The following HERPUD2 variants were observed in gnomAD, a reference collection of about 807,000 sequenced individuals.
HERPUD2 encodes the protein HERPUD family member 2.
In HERPUD2, 13 loss-of-function variants were observed where a neutral mutation model predicts 49.9. The observed-to-expected ratio is 0.26, with a 90% CI of 0.17 to 0.41. The LOEUF is 0.41. Among genes scored for constraint, HERPUD2 ranks in the 10% least tolerant of loss-of-function variants. The pLI is 1.00. For missense variants in HERPUD2, 449 were observed against 492.2 expected (o/e 0.91, Z 0.83); for synonymous variants, 172 against 171.4 (o/e 1.00, Z -0.03).
intron 5 of HERPUD2, among the ~76,000 whole-genome samples, chr7:35,653,475 C>T (rs575575468): frequency 1.3e-5 from 2 of 152,230 alleles, no homozygotes; most frequent in South Asian, 4.1e-4. Context: ...ACAATAAGTG[C>T]TAGGGACATC....
chr7:35,639,521 G>A (rs576346107), intron 5 of HERPUD2, among the ~76,000 whole-genome samples: 1 of 152,222 alleles, frequency 6.6e-6, no homozygotes, highest in East Asian at 1.9e-4. Context: ...ATGCCAAAGT[G>A]TATAATGTGA....
At chr7:35,664,246 T>C (rs1785490708) in intron 5 of HERPUD2, among the ~76,000 whole-genome samples, 1 of 152,252 alleles carries the variant, frequency 6.6e-6, no homozygotes, top group South Asian at 2.1e-4. Flanking sequence ...GTAGAGTTTC[T>C]GCCGAGAGAT....
chr7:35,680,554 C>T (rs1336839578), intron 2 of HERPUD2, among the ~76,000 whole-genome samples: 1 of 152,158 alleles, frequency 6.6e-6, no homozygotes, highest in East Asian at 1.9e-4. Context: ...CCAAACTCCC[C>T]GACAGTATTC....
chr7:35,677,911 ACT>A (rs1484645029), intron 2 of HERPUD2, among the ~76,000 whole-genome samples: 1 of 152,194 alleles, frequency 6.6e-6, no homozygotes, highest in Non-Finnish European at 1.5e-5. Context: ...CATCACCAGC[ACT>A]CTGTGCCTCA....
intron 8 of HERPUD2, 71 bp from the exon 9 acceptor site, chr7:35,633,922 A>C: frequency 6.9e-7 from 1 of 1,455,694 alleles, no homozygotes; most frequent in Non-Finnish European, 9.4e-7. Context: ...GAATACAGTT[A>C]AATTCTTTGT....
chr7:35,638,702 A>C (rs562201495), intron 5 of HERPUD2, among the ~76,000 whole-genome samples: 1 of 152,354 alleles, frequency 6.6e-6, no homozygotes, highest in African/African-American at 2.4e-5. Context: ...TTTTAAAGGG[A>C]AAACAAAGAG....
intron 5 of HERPUD2, among the ~76,000 whole-genome samples, chr7:35,650,248 G>A (rs1254893789): frequency 6.6e-6 from 1 of 152,158 alleles, no homozygotes; most frequent in African/African-American, 2.4e-5. Context: ...CGGCAAAGAA[G>A]GAGAGGGAAG....
intron 5 of HERPUD2, among the ~76,000 whole-genome samples, chr7:35,653,999 A>G (rs1785223100): frequency 6.6e-6 from 1 of 152,230 alleles, no homozygotes; most frequent in African/African-American, 2.4e-5. Flanking sequence ...CTCTAAAACA[A>G]CAACAAAAAG....
At chr7:35,657,713 T>C (rs1282634377) in intron 5 of HERPUD2, among the ~76,000 whole-genome samples, 1 of 142,794 alleles carries the variant, frequency 7.0e-6, no homozygotes, top group Non-Finnish European at 1.5e-5. Context: ...ATCGAGACCA[T>C]CCTGGCTAAC....
chr7:35,693,427 CA>C (rs1786236354), intron 2 of HERPUD2, among the ~76,000 whole-genome samples: 3 of 151,842 alleles, frequency 2.0e-5, no homozygotes, highest in Admixed American at 6.6e-5. Context: ...TTATAGGGGA[CA>C]CATACTTATT....
rs143987769 is a variant in HERPUD2, at chr7:35,649,380, T to C, written c.495-10908A>G. Among the ~76,000 whole-genome samples, 377 of 152,104 alleles carry C rather than the reference T, an allele frequency of 2.5e-3. 2 individuals carry two copies. The highest frequency in any genetic ancestry group is 4.5e-3 in the Admixed American group (68 of 15,272). ...TATTTTAAAAGCACACACAGAAGTG[T>C]TTAGAAGGATAGTTACTAAAACGTT... On this transcript the variant is annotated intron_variant, in intron 5 of 8. Transcript: ENST00000311350.
At chr7:35,681,088 T>G (rs1785879750) in intron 2 of HERPUD2, among the ~76,000 whole-genome samples, 1 of 152,226 alleles carries the variant, frequency 6.6e-6, no homozygotes, top group African/African-American at 2.4e-5. Context: ...CACTTGCTGG[T>G]GCTAAATTTA....
chr7:35,693,627 A>G (rs1333577152), intron 2 of HERPUD2, among the ~76,000 whole-genome samples: 6 of 151,964 alleles, frequency 3.9e-5, no homozygotes, highest in Admixed American at 3.9e-4. Flanking sequence ...CAAAGAAAGT[A>G]GTCCCTTTTC....
At chr7:35,652,206 G>A (rs113371997) in intron 5 of HERPUD2, among the ~76,000 whole-genome samples, 5 of 152,064 alleles carry the variant, frequency 3.3e-5, no homozygotes, top group Middle Eastern at 3.4e-3. Flanking sequence ...AATCCACCAC[G>A]GTGCGCTCAG....
intron 2 of HERPUD2, among the ~76,000 whole-genome samples, chr7:35,685,784 T>C (rs1234485934): frequency 4.0e-5 from 6 of 151,822 alleles, no homozygotes; most frequent in African/African-American, 1.5e-4. Context: ...TCCAGACCAG[T>C]CTGGCCAACA....
chr7:35,662,333 CTCTT>C (rs1785443043), intron 5 of HERPUD2, among the ~76,000 whole-genome samples: 1 of 152,100 alleles, frequency 6.6e-6, no homozygotes, highest in Non-Finnish European at 1.5e-5. Context: ...GTCTAAAATT[CTCTT>C]TTTTTGTTGT....
intron 2 of HERPUD2, among the ~76,000 whole-genome samples, chr7:35,691,714 C>G (rs917568599): frequency 6.6e-6 from 1 of 152,164 alleles, no homozygotes; most frequent in African/African-American, 2.4e-5. Context: ...TCAGAAAAAC[C>G]TAAACTTCCT....
intron 5 of HERPUD2, 52 bp downstream of exon 5, chr7:35,667,382 T>A: frequency 6.5e-7 from 1 of 1,537,646 alleles, no homozygotes; most frequent in South Asian, 1.2e-5. Flanking sequence ...CAAAAGCAAT[T>A]CATTTTTAGG....
intron 5 of HERPUD2, among the ~76,000 whole-genome samples, chr7:35,643,150 ATT>A (rs1784993976): frequency 6.6e-6 from 1 of 152,208 alleles, no homozygotes; most frequent in East Asian, 1.9e-4. Flanking sequence ...ACAATAGCTC[ATT>A]AATTTTTTTA....
Sources: gnomAD v4.1 joint callset for allele counts (sites outside exome capture counted in the v4.1 genomes callset) on GRCh38, gnomAD v4.1.1 for gene constraint, MANE v1.5 for transcripts, NCBI Gene and HGNC (gene_info 2026-07-23, HGNC 2026-07-21) for gene names.